SLC2A2: variants seen among roughly 807,000 people sequenced by gnomAD.
SLC2A2 encodes the protein solute carrier family 2, facilitated glucose transporter member 2.
In SLC2A2, 36 loss-of-function variants were observed where a neutral mutation model predicts 54.5. The observed-to-expected ratio is 0.66, with a 90% CI of 0.51 to 0.87. The LOEUF (loss-of-function observed/expected upper bound fraction) is 0.87, where lower values mean the gene tolerates loss of function less well. Ranked by LOEUF, SLC2A2 falls within the 40% of genes least tolerant of loss-of-function variation. The pLI, the probability that SLC2A2 is intolerant of heterozygous loss-of-function variation, is 0.00. For synonymous variants in SLC2A2, 223 were observed against 219.1 expected (o/e 1.02, Z -0.16); for missense variants, 543 against 624.3 (o/e 0.87, Z 1.39).
intron 3 of SLC2A2, among the ~76,000 whole-genome samples, chr3:171,010,956 A>G (rs572065562): frequency 1.3e-5 from 2 of 152,262 alleles, no homozygotes; most frequent in South Asian, 2.1e-4. Flanking sequence ...GGTAAGGCCA[A>G]TAAATGCCTG....
chr3:171,015,918 A>G lies in SLC2A2; in HGVS notation c.109-1187T>C, dbSNP rs79796457. Among the ~76,000 whole-genome samples the G allele has an allele frequency of 3.9e-5, 6 of 152,270 alleles. No homozygotes were observed. The East Asian group carries it at 1.2e-3, about 29-fold the overall frequency. ...AATATGCTTCATATAATTCAGATGA[A>G]TTATAGGACATGGGAGGAAGACGAG... On this transcript the variant is annotated intron_variant, in intron 2 of 10. Coordinates refer to ENST00000314251, the MANE Select transcript of SLC2A2 (RefSeq NM_000340.2).
chr3:171,001,231 A>G (rs1341227680), intron 8 of SLC2A2, among the ~76,000 whole-genome samples: 2 of 152,094 alleles, frequency 1.3e-5, no homozygotes, highest in African/African-American at 2.4e-5. Flanking sequence ...AGAAAATCCT[A>G]TTATACACAA....
chr3:170,996,605 T>G lies in SLC2A2; in HGVS notation c.*1298A>C, dbSNP rs535919268. On this transcript the variant is annotated 3_prime_UTR_variant, in exon 11 of 11. Coordinates refer to ENST00000314251, the MANE Select transcript of SLC2A2 (RefSeq NM_000340.2). ...CCCATCAGAACTATATTTCCATAAT[T>G]GTAAAATTGACTGTAAGCTAAAGTC... 2.5e-6 allele frequency: 1 copy of G among 398,004 alleles called. No individual in the cohort carries two copies. Among genetic ancestry groups the G allele is most frequent in the East Asian group, 3.6e-5 (1 of 28,044 alleles). 24.7% of individuals were successfully genotyped at this position (398,004 alleles called of 1,614,324 possible).
intron 3 of SLC2A2, among the ~76,000 whole-genome samples, chr3:171,012,843 T>C (rs1035069751): frequency 6.6e-6 from 1 of 152,196 alleles, no homozygotes; most frequent in South Asian, 2.1e-4. Flanking sequence ...ACCTCACTTT[T>C]TGTTTACCAT....
At position 171,009,816 on chromosome 3, in the gene SLC2A2, A is replaced by G. The variant is rs907237458; in HGVS notation, c.496+142T>C. On this transcript the variant is annotated intron_variant, in intron 4 of 10. Transcript: ENST00000314251. Reference sequence around the variant, plus strand: ...CCTCCCAACTCAGGATTTCAACTTTATGCTATTGCCTTTCCCTCTGTGATG... The same window carrying G: ...CCTCCCAACTCAGGATTTCAACTTTGTGCTATTGCCTTTCCCTCTGTGATG... The G allele has an allele frequency of 3.9e-5, 46 of 1,187,178 alleles. No individual in the cohort carries two copies. The African/African-American group carries it at 6.8e-4, about 17-fold the overall frequency. 73.5% of individuals were successfully genotyped at this position (1,187,178 alleles called of 1,614,324 possible).
At position 170,998,310 on chromosome 3, in the gene SLC2A2, G is replaced by A; in HGVS notation, c.1257C>T (p.Pro419=). The change falls in exon 10 of 11, where the codon CCC becomes CCT. Residue 419 remains proline, a synonymous_variant. Coordinates refer to ENST00000314251, the MANE Select transcript of SLC2A2 (RefSeq NM_000340.2). ...TGAAAAACTCAGCCACCATGAACCAGGGGATCGGGCCTGGCCCAATTTCAA... is the reference window on the plus strand; with the variant it reads ...TGAAAAACTCAGCCACCATGAACCAAGGGATCGGGCCTGGCCCAATTTCAA... ...SFFEIGPGPI[P]WFMVAEFFSQ... 6.2e-7 allele frequency: 1 copy of A among 1,613,772 alleles called. No homozygotes were observed. The highest frequency in any genetic ancestry group is 8.5e-7 in the Non-Finnish European group (1 of 1,179,774).
In SLC2A2 at chr3:170,998,008, C is replaced by T. The variant is rs1256419810; in HGVS notation, c.1470G>A (p.Lys490=). 3 of 1,613,588 alleles carry T rather than the reference C, an allele frequency of 1.9e-6. No individual in the cohort carries two copies. The highest frequency in any genetic ancestry group is 3.3e-5 in the Admixed American group (2 of 59,890). ...ATTCTGCAGCAATTTCCTCAAAAGA[C>T]TTTCCTTTGGTTTCTGGAACTTTAA... is the stretch of plus-strand genomic sequence containing the variant. ...TFFKVPETKG[K]SFEEIAAEFQ... Residue 490 remains lysine (K), a synonymous_variant, in exon 11 of 11, where the codon AAG becomes AAA. Coordinates refer to ENST00000314251, the MANE Select transcript of SLC2A2 (RefSeq NM_000340.2).
Position 170,998,196 on chromosome 3 carries a change from A to C in SLC2A2, c.1371T>G (p.Ile457Met). Residue 457 changes from isoleucine (I) to methionine (M), a missense_variant, in exon 10 of 11, where the codon ATT becomes ATG. By Grantham distance (10) the Ile-to-Met change is conservative. Coordinates refer to ENST00000314251, the MANE Select transcript of SLC2A2 (RefSeq NM_000340.2). ...TGTGGAATATTAGGCTGCTTACCGC[A>C]ATGTACTGGAAACACAGAGCTACAA... ...NFIVALCFQYIADFCGPYVFF... is the reference protein window; with the variant it reads ...NFIVALCFQYMADFCGPYVFF... 1 of 1,613,720 alleles carries C rather than the reference A, an allele frequency of 6.2e-7. No homozygotes were observed. The highest frequency in any genetic ancestry group is 8.5e-7 in the Non-Finnish European group (1 of 1,179,748).
chr3:171,024,032 G>T (rs1406842526), intron 1 of SLC2A2, among the ~76,000 whole-genome samples: 1 of 152,078 alleles, frequency 6.6e-6, no homozygotes, highest in Non-Finnish European at 1.5e-5. Context: ...GTCATATAGG[G>T]TCTATTAGAA....
rs997578553 is a variant in SLC2A2, at chr3:170,996,663, A to T, written c.*1240T>A. ...TCATCTGTGTATTTCCAATTTGCCT[A>T]TGTAGGTAAAGGCAGATAGATAGTG... On this transcript the variant is annotated 3_prime_UTR_variant, in exon 11 of 11. Coordinates refer to ENST00000314251, the MANE Select transcript of SLC2A2 (RefSeq NM_000340.2). 7.5e-6 allele frequency: 3 copies of T among 397,854 alleles called. No homozygotes were observed. The highest frequency in any genetic ancestry group is 8.8e-5 in the Admixed American group (2 of 22,686). The allele number at this position is 397,854 out of a possible 1,614,324, so 24.6% of individuals were successfully genotyped here.
chr3:171,013,391 A>G (rs1227525274), intron 3 of SLC2A2, among the ~76,000 whole-genome samples: 1 of 152,160 alleles, frequency 6.6e-6, no homozygotes, highest in Non-Finnish European at 1.5e-5. Flanking sequence ...TGATTAAAAT[A>G]TAAGAAATTG....
At chr3:171,005,252 C>T (rs1715538314) in intron 7 of SLC2A2, 33 bp downstream of exon 7, 1 of 1,584,958 alleles carries the variant, frequency 6.3e-7, no homozygotes, top group Non-Finnish European at 8.7e-7. Context: ...ATTCACTGTG[C>T]TCTTAAGAGT....
chr3:171,016,998 A>T (rs1261191803), intron 2 of SLC2A2, among the ~76,000 whole-genome samples: 1 of 151,882 alleles, frequency 6.6e-6, no homozygotes. Context: ...GATTACAGGC[A>T]TGTGCCACCA....
intron 1 of SLC2A2, among the ~76,000 whole-genome samples, chr3:171,019,097 G>GTATATATATA (rs775019312): frequency 9.9e-5 from 2 of 20,152 alleles, no homozygotes; most frequent in Admixed American, 5.2e-4. Context: ...GTGTGTGTGT[G>GTATATATATA]TATATATATA....
At position 170,997,446 on chromosome 3, in the gene SLC2A2, T is replaced by A. The variant is rs1022369080; in HGVS notation, c.*457A>T. Reference sequence around the variant, plus strand: ...GAGTGCAATAAATGGAAGAGTTGTCTATTTTAACATGGAACTTATTGCCAC... The same window carrying A: ...GAGTGCAATAAATGGAAGAGTTGTCAATTTTAACATGGAACTTATTGCCAC... On this transcript the variant is annotated 3_prime_UTR_variant, in exon 11 of 11. Transcript: ENST00000314251. 1 of 159,948 alleles carries A rather than the reference T, an allele frequency of 6.3e-6. No homozygotes were observed. The highest frequency in any genetic ancestry group is 2.4e-5 in the African/African-American group (1 of 41,494). The allele number at this position is 159,948 out of a possible 1,614,324, so 9.9% of individuals were successfully genotyped here.
At chr3:171,025,091 A>G (rs994552893) in intron 1 of SLC2A2, among the ~76,000 whole-genome samples, 1 of 152,086 alleles carries the variant, frequency 6.6e-6, no homozygotes, top group African/African-American at 2.4e-5. Context: ...TCTACATACC[A>G]TCTATGTAGT....
At chr3:171,009,350 C>G (rs929981217) in intron 4 of SLC2A2, among the ~76,000 whole-genome samples, 3 of 152,032 alleles carry the variant, frequency 2.0e-5, no homozygotes, top group Non-Finnish European at 2.9e-5. Flanking sequence ...ATTCACTTTC[C>G]CTATGGACAC....
chr3:171,019,115 ATATATATACGTATG>A (rs1277793701), intron 1 of SLC2A2, among the ~76,000 whole-genome samples: 113 of 5,522 alleles, frequency 0.02, 1 homozygote, highest in Non-Finnish European at 0.027. Context: ...ATATATATAT[ATATATATACGTATG>A]TATATATATA....
intron 2 of SLC2A2, among the ~76,000 whole-genome samples, chr3:171,016,241 C>T (rs111529448): frequency 0.032 from 4,948 of 152,280 alleles, 114 homozygotes; most frequent in Admixed American, 0.059. Context: ...TCAAGACCAG[C>T]CTGGCCAACG....
Sources: allele counts gnomAD v4.1 joint callset (sites outside exome capture counted in the v4.1 genomes callset), GRCh38; gene constraint gnomAD v4.1.1; transcripts MANE v1.5; gene names NCBI Gene and HGNC (gene_info 2026-07-23, HGNC 2026-07-21).